CDH13: variants seen among roughly 807,000 people sequenced by gnomAD.
CDH13 encodes the protein cadherin 13.
Under a neutral mutation model 63.8 loss-of-function variants are expected in CDH13, and 24 were observed. The ratio of observed to expected loss-of-function variants is 0.38; its 90% CI spans 0.27 to 0.53. The LOEUF (loss-of-function observed/expected upper bound fraction) is 0.53. Ranked by LOEUF, CDH13 falls within the 20% of genes least tolerant of loss-of-function variation. The pLI, the probability that CDH13 is intolerant of heterozygous loss-of-function variation, is 0.85. For synonymous variants in CDH13, 503 were observed against 355.3 expected (o/e 1.42, Z -4.67); for missense variants, 1,049 against 903.1 (o/e 1.16, Z -2.07).
intron 8 of CDH13, among the ~76,000 whole-genome samples, chr16:83,622,453 C>G (rs1352029532): frequency 6.6e-6 from 1 of 152,218 alleles, no homozygotes; most frequent in Non-Finnish European, 1.5e-5. Context: ...ATGTTGAACA[C>G]AGCACCATTC....
At chr16:83,008,344 G>C (rs913947297) in intron 2 of CDH13, among the ~76,000 whole-genome samples, 2 of 152,192 alleles carry the variant, frequency 1.3e-5, no homozygotes, top group African/African-American at 4.8e-5. Flanking sequence ...AGGAAGTTAG[G>C]AAGTTATGCA....
chr16:83,102,930 C>CTTTTTTTTTTTTTTTTTTTT (rs71148812), intron 3 of CDH13, among the ~76,000 whole-genome samples: 11 of 96,922 alleles, frequency 1.1e-4, no homozygotes, highest in Non-Finnish European at 1.3e-4. Context: ...TTTTCTTTTT[C>CTTTTTTTTTTTTTTTTTTTT]TTTTTTTTTT....
intron 8 of CDH13, among the ~76,000 whole-genome samples, chr16:83,607,969 A>G (rs1280472431): frequency 6.6e-6 from 1 of 152,222 alleles, no homozygotes; most frequent in Non-Finnish European, 1.5e-5. Flanking sequence ...CCCAACAAAT[A>G]CTGATTGAAT....
intron 2 of CDH13, among the ~76,000 whole-genome samples, chr16:82,999,433 A>G (rs72794140): frequency 0.11 from 16,729 of 152,114 alleles, 1,055 homozygotes; most frequent in African/African-American, 0.18. Flanking sequence ...GAAATATCAT[A>G]ACCACATAAC....
At chr16:82,672,522 G>A (rs1221701915) in intron 1 of CDH13, among the ~76,000 whole-genome samples, 1 of 151,854 alleles carries the variant, frequency 6.6e-6, no homozygotes, top group East Asian at 1.9e-4. Context: ...GATTCGAAAC[G>A]TCCAGTATCA....
In CDH13 at chr16:83,191,176, C is replaced by A. The variant is rs552897552; in HGVS notation, c.484-26169C>A. Among the ~76,000 whole-genome samples the A allele has an allele frequency of 6.2e-5, 9 of 146,206 alleles. No homozygotes were observed. In the East Asian group the frequency reaches 1.6e-3, roughly 26 times the overall value. On this transcript the variant is annotated intron_variant, in intron 4 of 13. Coordinates refer to ENST00000567109, the MANE Select transcript of CDH13 (RefSeq NM_001257.5). The stretch of plus-strand genomic sequence containing the variant: ...GTCTTTGATATGGAAAGAATAAGAA[C>A]CTGCCTCCTGAAATTTTGGGAAGGG...
intron 4 of CDH13, among the ~76,000 whole-genome samples, chr16:83,177,368 G>C (rs1228244904): frequency 6.6e-6 from 1 of 152,130 alleles, no homozygotes; most frequent in Non-Finnish European, 1.5e-5. Flanking sequence ...GCCATCCCCA[G>C]GTCTGCTACA....
intron 1 of CDH13, among the ~76,000 whole-genome samples, chr16:82,808,742 A>T (rs1390970958): frequency 1.3e-5 from 2 of 152,180 alleles, no homozygotes; most frequent in East Asian, 3.8e-4. Flanking sequence ...CACTTAATGG[A>T]TAAGAAAATT....
intron 6 of CDH13, among the ~76,000 whole-genome samples, chr16:83,389,973 C>G (rs1390012231): frequency 1.3e-5 from 2 of 152,196 alleles, no homozygotes; most frequent in Non-Finnish European, 2.9e-5. Flanking sequence ...TATTTATAGT[C>G]ATTCAGTGAT....
chr16:83,294,068 G>A (rs2089529070), intron 5 of CDH13, among the ~76,000 whole-genome samples: 1 of 152,050 alleles, frequency 6.6e-6, no homozygotes, highest in Non-Finnish European at 1.5e-5. Flanking sequence ...TCTGACTTCT[G>A]TTTATAAACT....
At chr16:83,313,257 T>G (rs75805265) in intron 5 of CDH13, among the ~76,000 whole-genome samples, 2 of 152,326 alleles carry the variant, frequency 1.3e-5, no homozygotes, top group African/African-American at 2.4e-5. Context: ...TTCACAGCCA[T>G]TGATATTTTG....
intron 2 of CDH13, among the ~76,000 whole-genome samples, chr16:82,885,822 T>C (rs542323346): frequency 1.3e-5 from 2 of 152,178 alleles, no homozygotes; most frequent in South Asian, 4.2e-4. Context: ...CTTTAAAAAA[T>C]GGGGTTAATA....
chr16:83,006,923 TGTTTG>T lies in CDH13; in HGVS notation c.158-25086_158-25082del, dbSNP rs1331143670. On this transcript the variant is annotated intron_variant, in intron 2 of 13. Transcript: ENST00000567109. ...GATTTTTTTTGTTTGTTTGTTTGTT[TGTTTG>T]TTTGTTTTTTTTGAGACAGAGTTTC... Among the ~76,000 whole-genome samples the T allele has an allele frequency of 4.5e-5, 6 of 134,524 alleles. 1 individual carries two copies. The highest frequency in any genetic ancestry group is 2.1e-4 in the East Asian group (1 of 4,750). 88.3% of individuals were successfully genotyped at this position (134,524 alleles called of 152,430 possible).
intron 8 of CDH13, among the ~76,000 whole-genome samples, chr16:83,618,605 CA>C (rs1469662648): frequency 6.6e-6 from 1 of 152,106 alleles, no homozygotes; most frequent in African/African-American, 2.4e-5. Context: ...GTCACAGGAT[CA>C]TCCCCAAGAT....
rs10562201 is a variant in CDH13, at chr16:83,529,091, C to CT, written c.960+42452dup. Among the ~76,000 whole-genome samples, 415 of 140,478 alleles carry CT rather than the reference C, an allele frequency of 3.0e-3. 1 individual carries two copies. The highest frequency in any genetic ancestry group is 4.3e-3 in the Non-Finnish European group (277 of 64,382). 92.2% of individuals were successfully genotyped at this position (140,478 alleles called of 152,430 possible). On this transcript the variant is annotated intron_variant, in intron 7 of 13. Transcript: ENST00000567109. ...ACCCCCTCCCCATGAATACCTCTGT[C>CT]TTTTTTTTTTTTTTTTCTTTTTCAT...
At chr16:82,672,999 C>CTTTTT (rs562942948) in intron 1 of CDH13, among the ~76,000 whole-genome samples, 933 of 81,164 alleles carry the variant, frequency 0.011, 145 homozygotes, top group African/African-American at 0.046. Flanking sequence ...ATAAAGTTTT[C>CTTTTT]TTTTTTTTTT....
chr16:83,730,810 C>G (rs1264019853), intron 10 of CDH13, among the ~76,000 whole-genome samples: 6 of 152,196 alleles, frequency 3.9e-5, no homozygotes, highest in African/African-American at 1.4e-4. Flanking sequence ...CCTTACACCC[C>G]TTCCATGCTC....
At chr16:82,934,138 A>G (rs1335326044) in intron 2 of CDH13, among the ~76,000 whole-genome samples, 2 of 152,242 alleles carry the variant, frequency 1.3e-5, no homozygotes, top group African/African-American at 4.8e-5. Flanking sequence ...GAGGTTCTGC[A>G]TGAGGGCTCT....
intron 13 of CDH13, among the ~76,000 whole-genome samples, chr16:83,791,591 T>C (rs2151020820): frequency 6.6e-6 from 1 of 152,066 alleles, no homozygotes; most frequent in Admixed American, 6.6e-5. Context: ...GGTGGGCGGA[T>C]CACAAGGTCA....
Sources: gnomAD v4.1 joint callset for allele counts (sites outside exome capture counted in the v4.1 genomes callset) on GRCh38, gnomAD v4.1.1 for gene constraint, MANE v1.5 for transcripts, NCBI Gene and HGNC (gene_info 2026-07-23, HGNC 2026-07-21) for gene names.